GALNTL6: variants seen among roughly 807,000 people sequenced by gnomAD.
The protein encoded by GALNTL6 is polypeptide N-acetylgalactosaminyltransferase-like 6.
GALNTL6 carries 46 observed loss-of-function variants against 73.7 expected under a neutral mutation model. The observed-to-expected ratio is 0.62, with a 90% CI of 0.49 to 0.80. GALNTL6 has a LOEUF of 0.80. Among genes scored for constraint, GALNTL6 ranks in the 30% least tolerant of loss-of-function variants. The pLI, the probability that GALNTL6 is intolerant of heterozygous loss-of-function variation, is 0.00. For synonymous variants in GALNTL6, 259 were observed against 263.7 expected, an observed-to-expected ratio of 0.98 and a Z score of 0.17; for missense variants, 604 against 755.0, an observed-to-expected ratio of 0.80 and a Z score of 2.34.
intron 4 of GALNTL6, among the ~76,000 whole-genome samples, chr4:172,314,902 G>A (rs536032730): frequency 6.6e-6 from 1 of 152,036 alleles, no homozygotes; most frequent in Non-Finnish European, 1.5e-5. Flanking sequence ...GAGCCACTGT[G>A]CCAGGCCTGC....
chr4:172,399,763 C>G (rs1743974022), intron 5 of GALNTL6, among the ~76,000 whole-genome samples: 3 of 152,068 alleles, frequency 2.0e-5, no homozygotes. Context: ...GAGTTTTTCT[C>G]ATTCACCAGC....
At chr4:172,531,562 A>G (rs1168709867) in intron 5 of GALNTL6, among the ~76,000 whole-genome samples, 1 of 152,184 alleles carries the variant, frequency 6.6e-6, no homozygotes, top group Non-Finnish European at 1.5e-5. Context: ...ACTGGAAACC[A>G]CTACACATGG....
At chr4:172,426,303 A>T (rs1206870943) in intron 5 of GALNTL6, among the ~76,000 whole-genome samples, 1 of 151,146 alleles carries the variant, frequency 6.6e-6, no homozygotes, top group Non-Finnish European at 1.5e-5. Context: ...AATTGTTAAA[A>T]CATCTATGAA....
At chr4:172,457,086 C>T (rs1732425913) in intron 5 of GALNTL6, among the ~76,000 whole-genome samples, 1 of 152,060 alleles carries the variant, frequency 6.6e-6, no homozygotes, top group Non-Finnish European at 1.5e-5. Context: ...CCCAGAATTT[C>T]ATATCCAGCC....
intron 8 of GALNTL6, among the ~76,000 whole-genome samples, chr4:172,913,640 C>T (rs2610199): frequency 0.26 from 38,934 of 151,742 alleles, 6,780 homozygotes; most frequent in African/African-American, 0.49. Flanking sequence ...GAAAGGGTAT[C>T]GGTGACTGAA....
At chr4:171,826,172 A>C (rs1052156594) in intron 2 of GALNTL6, among the ~76,000 whole-genome samples, 5 of 152,054 alleles carry the variant, frequency 3.3e-5, no homozygotes, top group African/African-American at 1.2e-4. Context: ...TCTCTCTTCA[A>C]ATCTCCCGTG....
In GALNTL6 at chr4:172,813,721, T is replaced by C; in HGVS notation, c.921T>C (p.Phe307=). The C allele has an allele frequency of 6.3e-7, 1 of 1,589,918 alleles. No homozygotes were observed. The highest frequency in any genetic ancestry group is 8.6e-7 in the Non-Finnish European group (1 of 1,161,328). ...AGAGGGCAGATCCCAGCGACCCTTT[T>C]GAGTGAGTAGCAGCCAAGGGAGGGG... The part of the protein sequence containing the change: ...ELQRADPSDP[F]ESPVMAGGLF... Residue 307 remains phenylalanine (F), a splice_region_variant and synonymous_variant, in exon 7 of 13, where the codon TTT becomes TTC. Coordinates refer to ENST00000506823, the MANE Select transcript of GALNTL6 (RefSeq NM_001034845.3).
At chr4:172,035,925 G>T (rs1741917207) in intron 2 of GALNTL6, among the ~76,000 whole-genome samples, 1 of 151,980 alleles carries the variant, frequency 6.6e-6, no homozygotes, top group Non-Finnish European at 1.5e-5. Flanking sequence ...TGTATTATTT[G>T]CATAGTTATC....
chr4:172,790,081 A>G (rs1027275641), intron 5 of GALNTL6, among the ~76,000 whole-genome samples: 3 of 152,246 alleles, frequency 2.0e-5, no homozygotes, highest in South Asian at 2.1e-4. Context: ...AAAAGCTTCA[A>G]TTGGTAGAAT....
Position 172,018,093 on chromosome 4 carries a change from G to A in GALNTL6, c.138+203375G>A, listed in dbSNP as rs1741267079. On this transcript the variant is annotated intron_variant, in intron 2 of 12. Transcript: ENST00000506823. ...GATTAGCTGTTGTTTTCACCTTCCT[G>A]GGAGCAGAGTTATTCTGTCATGAAT... 2.0e-5 allele frequency among the ~76,000 whole-genome samples: 3 copies of A among 152,186 alleles called. No homozygotes were observed. In the South Asian group the frequency reaches 6.2e-4, roughly 32 times the overall value.
chr4:172,949,913 AAAAAAAAG>A (rs1454717794), intron 9 of GALNTL6, among the ~76,000 whole-genome samples: 18 of 152,116 alleles, frequency 1.2e-4, no homozygotes, highest in South Asian at 6.2e-4. Flanking sequence ...TGTCTCAAAA[AAAAAAAAG>A]AAAAAAAGAA....
chr4:172,920,791 T>A (rs1326811036), intron 8 of GALNTL6, among the ~76,000 whole-genome samples: 1 of 152,228 alleles, frequency 6.6e-6, no homozygotes, highest in African/African-American at 2.4e-5. Context: ...GGAATTAACC[T>A]GACTTTATAT....
At chr4:172,485,068 C>A (rs1733621269) in intron 5 of GALNTL6, among the ~76,000 whole-genome samples, 1 of 152,050 alleles carries the variant, frequency 6.6e-6, no homozygotes, top group East Asian at 1.9e-4. Context: ...TAGATTGTAA[C>A]AAATGATAGT....
chr4:171,988,164 G>C (rs1359721713), intron 2 of GALNTL6, among the ~76,000 whole-genome samples: 6 of 152,206 alleles, frequency 3.9e-5, no homozygotes, highest in African/African-American at 1.2e-4. Flanking sequence ...AAGTTGTTTG[G>C]ACAGAAAGGC....
At chr4:172,394,007 G>A (rs1223433662) in intron 5 of GALNTL6, among the ~76,000 whole-genome samples, 1 of 152,002 alleles carries the variant, frequency 6.6e-6, no homozygotes, top group African/African-American at 2.4e-5. Flanking sequence ...ATAAAAAGTT[G>A]TTTTAAATTA....
chr4:171,931,153 A>G (rs1359256598), intron 2 of GALNTL6, among the ~76,000 whole-genome samples: 1 of 152,178 alleles, frequency 6.6e-6, no homozygotes, highest in East Asian at 1.9e-4. Context: ...ACACCTTGCC[A>G]TTTAACAGTG....
chr4:172,065,558 G>GA (rs947347588), intron 2 of GALNTL6, among the ~76,000 whole-genome samples: 90 of 149,218 alleles, frequency 6.0e-4, no homozygotes, highest in African/African-American at 2.0e-3. Flanking sequence ...ACTGAACTTT[G>GA]AAAAAAAAAG....
At chr4:172,810,573 A>C (rs1741236553) in intron 6 of GALNTL6, among the ~76,000 whole-genome samples, 1 of 151,836 alleles carries the variant, frequency 6.6e-6, no homozygotes, top group Non-Finnish European at 1.5e-5. Flanking sequence ...GAACCAGCAA[A>C]GCTCCCTTAG....
At chr4:171,983,159 C>T (rs13122067) in intron 2 of GALNTL6, among the ~76,000 whole-genome samples, 8,692 of 152,210 alleles carry the variant, frequency 0.057, 287 homozygotes, top group African/African-American at 0.085. Flanking sequence ...TTAGGCCTGC[C>T]TTAGTCACGT....
Sources: allele counts gnomAD v4.1 joint callset (sites outside exome capture counted in the v4.1 genomes callset), GRCh38; gene constraint gnomAD v4.1.1; transcripts MANE v1.5; gene names NCBI Gene and HGNC (gene_info 2026-07-23, HGNC 2026-07-21).